Variants in KIAA1549L observed in about 807,000 individuals in gnomAD.
KIAA1549L encodes KIAA1549 like.
In KIAA1549L, 88 loss-of-function variants were observed where a neutral mutation model predicts 160.7. The observed-to-expected ratio is 0.55, with a 90% confidence interval of 0.46 to 0.65. The LOEUF (loss-of-function observed/expected upper bound fraction) is 0.65. Among genes scored for constraint, KIAA1549L ranks in the 30% least tolerant of loss-of-function variants. KIAA1549L has a pLI of 0.00. For missense variants in KIAA1549L, 2,258 were observed against 2,437.5 expected, an observed-to-expected ratio of 0.93 and a Z score of 1.55; for synonymous variants, 950 against 976.7, an observed-to-expected ratio of 0.97 and a Z score of 0.51.
chr11:33,466,967 T>TGGGGGGG (rs1342891381), intron 1 of KIAA1549L, among the ~76,000 whole-genome samples: 1 of 8,680 alleles, frequency 1.2e-4, no homozygotes, highest in Non-Finnish European at 2.1e-4. Context: ...TGGGGCCTGT[T>TGGGGGGG]GGGGGGTGGG....
intron 1 of KIAA1549L, among the ~76,000 whole-genome samples, chr11:33,431,285 G>A (rs1463321166): frequency 1.3e-5 from 2 of 152,182 alleles, no homozygotes; most frequent in African/African-American, 4.8e-5. Flanking sequence ...GGGGACCCGA[G>A]CGGATTGCCA....
chr11:33,428,961 G>A (rs963648364), intron 1 of KIAA1549L, among the ~76,000 whole-genome samples: 3 of 151,958 alleles, frequency 2.0e-5, no homozygotes, highest in Non-Finnish European at 4.4e-5. Flanking sequence ...TGGGTGTGAG[G>A]TGGTATCTCG....
At chr11:33,655,776 C>T (rs1478642592) in intron 17 of KIAA1549L, among the ~76,000 whole-genome samples, 2 of 152,062 alleles carry the variant, frequency 1.3e-5, no homozygotes, top group Non-Finnish European at 2.9e-5. Context: ...CAGAACTTGG[C>T]GTGTTCTGAG....
At chr11:33,664,605 A>C (rs1345123685) in intron 20 of KIAA1549L, among the ~76,000 whole-genome samples, 1 of 152,266 alleles carries the variant, frequency 6.6e-6, no homozygotes, top group East Asian at 1.9e-4. Context: ...AATGAATGGG[A>C]TTAGTGCCCT....
At chr11:33,608,897 A>G (rs1440948556) in intron 14 of KIAA1549L, among the ~76,000 whole-genome samples, 2 of 152,234 alleles carry the variant, frequency 1.3e-5, no homozygotes, top group African/African-American at 2.4e-5. Flanking sequence ...GCTGGTTTAA[A>G]TGAAGAAAGC....
intron 2 of KIAA1549L, 115 bp downstream of exon 2, chr11:33,544,451 G>A: frequency 8.8e-7 from 1 of 1,133,458 alleles, no homozygotes; most frequent in Non-Finnish European, 1.3e-6. Flanking sequence ...CTCTGAAGGA[G>A]CTCATACCCC....
intron 15 of KIAA1549L, among the ~76,000 whole-genome samples, chr11:33,615,541 T>C (rs1850785964): frequency 1.3e-5 from 2 of 152,200 alleles, no homozygotes; most frequent in African/African-American, 4.8e-5. Flanking sequence ...TAATTTATTT[T>C]TACATAGATG....
intron 1 of KIAA1549L, among the ~76,000 whole-genome samples, chr11:33,480,253 C>T (rs567831430): frequency 6.6e-6 from 1 of 152,266 alleles, no homozygotes; most frequent in South Asian, 2.1e-4. Flanking sequence ...CTCTCAGCCC[C>T]AGGCAACCGC....
At chr11:33,426,577 G>A (rs1851121081) in intron 1 of KIAA1549L, among the ~76,000 whole-genome samples, 1 of 152,174 alleles carries the variant, frequency 6.6e-6, no homozygotes. Flanking sequence ...CACCTGGGCA[G>A]AGCTGTGGGG....
chr11:33,434,033 T>C (rs1851305772), intron 1 of KIAA1549L, among the ~76,000 whole-genome samples: 1 of 151,866 alleles, frequency 6.6e-6, no homozygotes, highest in Non-Finnish European at 1.5e-5. Context: ...CTGCACGTTC[T>C]GCACATGTAT....
chr11:33,408,578 G>A (rs1850720467), intron 1 of KIAA1549L, among the ~76,000 whole-genome samples: 1 of 150,076 alleles, frequency 6.7e-6, no homozygotes, highest in African/African-American at 2.5e-5. Context: ...CCTACACACA[G>A]ATGCCTCATG....
intron 1 of KIAA1549L, among the ~76,000 whole-genome samples, chr11:33,472,807 G>A (rs1191117602): frequency 6.6e-6 from 1 of 152,184 alleles, no homozygotes. Context: ...AATCTAATAA[G>A]TAAAATCAGT....
chr11:33,525,602 G>T (rs537734032), intron 1 of KIAA1549L, among the ~76,000 whole-genome samples: 29 of 150,632 alleles, frequency 1.9e-4, no homozygotes, highest in Non-Finnish European at 3.5e-4. Context: ...CGGGGGGTGG[G>T]GACAAATTGG....
At chr11:33,393,151 G>A (rs1850304352) in intron 1 of KIAA1549L, among the ~76,000 whole-genome samples, 1 of 152,146 alleles carries the variant, frequency 6.6e-6, no homozygotes, top group Admixed American at 6.5e-5. Flanking sequence ...ACTCACACCT[G>A]CCGCTATAGC....
intron 1 of KIAA1549L, among the ~76,000 whole-genome samples, chr11:33,481,764 G>A (rs912518424): frequency 3.9e-5 from 6 of 152,194 alleles, no homozygotes; most frequent in Non-Finnish European, 8.8e-5. Context: ...TTCACTGTGT[G>A]CTTGTCTCAC....
At chr11:33,641,462 A>G (rs1851576923) in intron 16 of KIAA1549L, among the ~76,000 whole-genome samples, 1 of 151,574 alleles carries the variant, frequency 6.6e-6, no homozygotes, top group African/African-American at 2.4e-5. Flanking sequence ...TTTCATCCTT[A>G]TAGTAATCTA....
chr11:33,547,468 G>T (rs943076044), intron 3 of KIAA1549L, among the ~76,000 whole-genome samples: 1 of 152,158 alleles, frequency 6.6e-6, no homozygotes, highest in Non-Finnish European at 1.5e-5. Context: ...GAATCTCATC[G>T]CATGCACTGT....
At chr11:33,637,568 A>G in intron 16 of KIAA1549L, among the ~76,000 whole-genome samples, 1 of 152,306 alleles carries the variant, frequency 6.6e-6, no homozygotes, top group African/African-American at 2.4e-5. Context: ...GGTATGGCTT[A>G]AACAACAGAC....
At chr11:33,587,231 A>G (rs1451194754) in intron 11 of KIAA1549L, among the ~76,000 whole-genome samples, 1 of 152,214 alleles carries the variant, frequency 6.6e-6, no homozygotes, top group Non-Finnish European at 1.5e-5. Flanking sequence ...CATTGAAATT[A>G]CTGGAGATTA....
Sources: allele counts gnomAD v4.1 joint callset (sites outside exome capture counted in the v4.1 genomes callset), GRCh38; gene constraint gnomAD v4.1.1; transcripts MANE v1.5; gene names NCBI Gene and HGNC (gene_info 2026-07-23, HGNC 2026-07-21).